ANK3: variants seen among roughly 807,000 people sequenced by gnomAD.
The protein encoded by ANK3 is ankyrin-3.
In ANK3, 57 loss-of-function variants were observed where a neutral mutation model predicts 370.9. The ratio of observed to expected loss-of-function variants is 0.15; its 90% confidence interval spans 0.12 to 0.19. The LOEUF is 0.19. Among genes scored for constraint, ANK3 ranks in the 10% least tolerant of loss-of-function variants. ANK3 has a pLI of 1.00. For synonymous variants in ANK3, 1,929 were observed against 1,946.3 expected, an observed-to-expected ratio of 0.99 and a Z score of 0.23; for missense variants, 4,439 against 5,302.1, an observed-to-expected ratio of 0.84 and a Z score of 5.06.
intron 2 of ANK3, among the ~76,000 whole-genome samples, chr10:60,408,247 T>C (rs777181544): frequency 5.3e-5 from 8 of 152,184 alleles, no homozygotes; most frequent in Non-Finnish European, 8.8e-5. Context: ...CCATGTTTAA[T>C]TGTCACCTCC....
rs201508955 is a variant in ANK3, at chr10:60,071,758, G to A, written c.9123C>T (p.Thr3041=). The change falls in exon 37 of 44, where the codon ACC becomes ACT. Residue 3041 remains threonine, a synonymous_variant. Transcript: ENST00000280772. ...YVGLCPPLEE[T]ETSPTKSPDS... ...CAGGAGATTTGGTGGGGGAGGTTTC[G>A]GTTTCCTCGAGAGGTGGGCATAAAC... is the stretch of plus-strand genomic sequence containing the variant. 2.1e-5 allele frequency: 33 copies of A among 1,597,984 alleles called. No individual in the cohort carries two copies. In the South Asian group the frequency reaches 2.4e-4, roughly 12 times the overall value.
intron 23 of ANK3, chr10:60,144,161 A>G: frequency 2.3e-6 from 1 of 431,354 alleles, no homozygotes; most frequent in Non-Finnish European, 4.6e-6. Context: ...CACAGAACCA[A>G]GGTAGATAAT....
chr10:60,733,523 C>G, upstream of ANK3: 3 of 412,524 alleles, frequency 7.3e-6, no homozygotes, highest in Middle Eastern at 6.5e-4. Flanking sequence ...CCGCGCGGGC[C>G]GGTGCGCCGG....
At chr10:60,606,765 T>C (rs990627164) in intron 2 of ANK3, among the ~76,000 whole-genome samples, 1 of 152,212 alleles carries the variant, frequency 6.6e-6, no homozygotes, top group Non-Finnish European at 1.5e-5. Context: ...GTTCCTTCTA[T>C]GGCTGTAAGC....
intron 2 of ANK3, among the ~76,000 whole-genome samples, chr10:60,593,654 G>A (rs557831091): frequency 1.1e-3 from 173 of 152,212 alleles, no homozygotes; most frequent in Non-Finnish European, 1.9e-3. Context: ...TTAAGGCTAG[G>A]AGGCCAAATG....
rs570740540 is a variant in ANK3 at position 60,660,582 on chromosome 10, T to A, written c.58-45358A>T. ...TCAAAAGTTCTTGTTTCTTTGCATG[T>A]CTAGTGGGATAATATAGCAACTCTG... On this transcript the variant is annotated intron_variant, in intron 1 of 43. Coordinates refer to the ANK3 transcript ENST00000373827. Among the ~76,000 whole-genome samples the A allele has an allele frequency of 2.0e-5, 3 of 152,250 alleles. No individual in the cohort carries two copies. The South Asian group carries it at 6.2e-4, about 32-fold the overall frequency.
At chr10:60,278,274 G>A (rs1349009200) in intron 4 of ANK3, among the ~76,000 whole-genome samples, 1 of 152,146 alleles carries the variant, frequency 6.6e-6, no homozygotes, top group Non-Finnish European at 1.5e-5. Flanking sequence ...TTAAACATTT[G>A]TGTCTATGAC....
chr10:60,246,655 CT>C (rs1336515431), intron 7 of ANK3, among the ~76,000 whole-genome samples: 1 of 152,140 alleles, frequency 6.6e-6, no homozygotes, highest in Non-Finnish European at 1.5e-5. Flanking sequence ...GTGTTGGGAT[CT>C]GTTCTAAACT....
chr10:60,056,061 A>G, intron 41 of ANK3, 25 bp from the exon 42 acceptor site: 1 of 1,577,700 alleles, frequency 6.3e-7, no homozygotes, highest in Non-Finnish European at 8.6e-7. Context: ...TTGCAAATTC[A>G]CAATGGCAAA....
At chr10:60,181,132 C>T (rs963851615) in intron 18 of ANK3, among the ~76,000 whole-genome samples, 197 bp downstream of exon 18, 3 of 152,126 alleles carry the variant, frequency 2.0e-5, no homozygotes, top group African/African-American at 7.2e-5. Flanking sequence ...ATCAAGTACC[C>T]AGGCCGTTAA....
intron 16 of ANK3, among the ~76,000 whole-genome samples, chr10:60,195,458 C>T (rs752479106): frequency 6.6e-6 from 1 of 150,950 alleles, no homozygotes; most frequent in Non-Finnish European, 1.5e-5. Context: ...TAGTGTTTAG[C>T]GAAATAACTG....
intron 1 of ANK3, among the ~76,000 whole-genome samples, chr10:60,381,428 C>G (rs1294612252): frequency 6.6e-6 from 1 of 152,070 alleles, no homozygotes; most frequent in Non-Finnish European, 1.5e-5. Flanking sequence ...GAGTATTTCT[C>G]AAAATGACAG....
At chr10:60,454,178 C>T (rs1343671839) in intron 2 of ANK3, among the ~76,000 whole-genome samples, 1 of 152,132 alleles carries the variant, frequency 6.6e-6, no homozygotes, top group Non-Finnish European at 1.5e-5. Flanking sequence ...ATTATAGGTG[C>T]TGAACTGTTA....
intron 23 of ANK3, among the ~76,000 whole-genome samples, chr10:60,161,402 A>G (rs1044257645): frequency 1.3e-5 from 2 of 152,196 alleles, no homozygotes; most frequent in Non-Finnish European, 2.9e-5. Context: ...AATAAAAAAA[A>G]GAAAATCAGT....
intron 2 of ANK3, among the ~76,000 whole-genome samples, chr10:60,587,538 A>G (rs948683596): frequency 6.6e-6 from 1 of 152,204 alleles, no homozygotes; most frequent in African/African-American, 2.4e-5. Flanking sequence ...CACTACAGAA[A>G]GCAAGGAAGC....
intron 36 of ANK3, among the ~76,000 whole-genome samples, chr10:60,079,174 T>TATACACACAC (rs1554886676): frequency 1.8e-5 from 2 of 113,770 alleles, no homozygotes; most frequent in Non-Finnish European, 3.5e-5. Context: ...GCTACCTAGC[T>TATACACACAC]ACACACACAC....
chr10:60,725,272 C>G (rs1483997579), intron 1 of ANK3, among the ~76,000 whole-genome samples: 1 of 152,094 alleles, frequency 6.6e-6, no homozygotes, highest in Non-Finnish European at 1.5e-5. Context: ...TGACGTGCAC[C>G]CGCCATTTTT....
At chr10:60,613,351 C>A (rs538252974) in intron 2 of ANK3, among the ~76,000 whole-genome samples, 17 of 152,070 alleles carry the variant, frequency 1.1e-4, no homozygotes, top group Non-Finnish European at 2.1e-4. Flanking sequence ...ATTATGAAGA[C>A]CTTTATTTAA....
chr10:60,258,791 G>A (rs549595354), intron 7 of ANK3, among the ~76,000 whole-genome samples: 18 of 151,466 alleles, frequency 1.2e-4, no homozygotes, highest in Non-Finnish European at 2.5e-4. Context: ...TTTCTTCACT[G>A]ATTTAAATCT....
Sources: gnomAD v4.1 joint callset for allele counts (sites outside exome capture counted in the v4.1 genomes callset) on GRCh38, gnomAD v4.1.1 for gene constraint, MANE v1.5 for transcripts, NCBI Gene and HGNC (gene_info 2026-07-23, HGNC 2026-07-21) for gene names.